TMEM106B: variants seen among roughly 807,000 people sequenced by gnomAD.
TMEM106B encodes the protein transmembrane protein 106B.
Under a neutral mutation model 31.1 loss-of-function variants are expected in TMEM106B, and 15 were observed. The observed-to-expected ratio is 0.48, with a 90% CI of 0.32 to 0.74. The LOEUF (loss-of-function observed/expected upper bound fraction) is 0.74, where lower values mean the gene tolerates loss of function less well. TMEM106B is among the 30% of genes least tolerant of loss of function. The pLI is 0.03. For missense variants in TMEM106B, 283 were observed against 327.3 expected (o/e 0.86, Z 1.04); for synonymous variants, 126 against 112.5 (o/e 1.12, Z -0.76).
At chr7:12,226,682 C>A (rs1409905842) in intron 4 of TMEM106B, among the ~76,000 whole-genome samples, 1 of 142,452 alleles carries the variant, frequency 7.0e-6, no homozygotes, top group Admixed American at 6.9e-5. Flanking sequence ...GGAATCACTA[C>A]TTAATTACAG....
In TMEM106B at chr7:12,214,995, C is replaced by A. The variant is rs1333541509; in HGVS notation, c.185C>A (p.Pro62His). 6.2e-7 allele frequency: 1 copy of A among 1,613,928 alleles called. No homozygotes were observed. Among genetic ancestry groups the A allele is most frequent in the South Asian group, 1.1e-5 (1 of 91,058 alleles). The change falls in exon 2 of 8, where the codon CCT becomes CAT. Residue 62 changes from proline to histidine, a missense_variant. Pro to His is a moderately conservative substitution (Grantham distance 77). Transcript: ENST00000396668. ...ACAGGAAGAGATAGTGTCACCTGCC[C>A]TACTTGTCAGGGAACAGGAAGAATT... The part of the protein sequence containing the change: ...EFTGRDSVTC[P>H]TCQGTGRIPR...
In TMEM106B at chr7:12,225,216, T is replaced by C. The variant is rs946032950; in HGVS notation, c.441+831T>C. Among the ~76,000 whole-genome samples the C allele has an allele frequency of 3.4e-4, 51 of 152,196 alleles. 1 individual carries two copies. Among genetic ancestry groups the C allele is most frequent in the Non-Finnish European group, 2.5e-4 (17 of 68,030 alleles). On this transcript the variant is annotated intron_variant, in intron 4 of 7. Coordinates refer to ENST00000396668, the MANE Select transcript of TMEM106B (RefSeq NM_001134232.2). Reference sequence around the variant, plus strand: ...ATGAACTCATCCTTTTTTATGGCTGTATAGTATTCCATGGTGTATATGTGC... The same window carrying C: ...ATGAACTCATCCTTTTTTATGGCTGCATAGTATTCCATGGTGTATATGTGC...
Position 12,236,768 on chromosome 7 carries a change from G to A in TMEM106B, c.*4793G>A, listed in dbSNP as rs1430691629. The stretch of plus-strand genomic sequence containing the variant: ...TGTCAGATGAAACAAATGCCAAGTT[G>A]CAAAATATGCAGATTTTTATTATAT... On this transcript the variant is annotated 3_prime_UTR_variant, in exon 8 of 8. Coordinates refer to ENST00000396668, the MANE Select transcript of TMEM106B (RefSeq NM_001134232.2). The A allele has an allele frequency of 6.6e-6, 1 of 151,882 alleles. No homozygotes were observed. The highest frequency in any genetic ancestry group is 1.5e-5 in the Non-Finnish European group (1 of 67,908). The allele number at this position is 151,882 out of a possible 1,614,324, so 9.4% of individuals were successfully genotyped here.
rs1252821877 is a variant in TMEM106B at position 12,229,718 on chromosome 7, G to A, written c.481G>A (p.Glu161Lys). ...AACAAACAATAACTATTACTCTGTCGAAGTTGAAAACATCACTGCCCAAGT... is the reference window on the plus strand; with the variant it reads ...AACAAACAATAACTATTACTCTGTCAAAGTTGAAAACATCACTGCCCAAGT... The part of the protein sequence containing the change: ...NITNNNYYSV[E>K]VENITAQVQF... Residue 161 changes from glutamate to lysine, a missense_variant, in exon 5 of 8, where the codon GAA becomes AAA. Around this residue, in one of 3 missense-constraint regions of TMEM106B, gnomAD observed 201 missense variants for 211.5 expected, o/e 0.95. Coordinates refer to ENST00000396668, the MANE Select transcript of TMEM106B (RefSeq NM_001134232.2). 1.2e-6 allele frequency: 2 copies of A among 1,612,136 alleles called. No individual in the cohort carries two copies. The highest frequency in any genetic ancestry group is 1.7e-6 in the Non-Finnish European group (2 of 1,179,450).
intron 7 of TMEM106B, chr7:12,231,365 A>G: frequency 2.6e-6 from 1 of 385,218 alleles, no homozygotes; most frequent in Non-Finnish European, 4.6e-6. Context: ...TGGAAAGGAT[A>G]CAGGGAACTG....
chr7:12,213,613 A>G (rs1781624456), intron 1 of TMEM106B, among the ~76,000 whole-genome samples: 1 of 152,010 alleles, frequency 6.6e-6, no homozygotes, highest in African/African-American at 2.4e-5. Context: ...ACTTTTGTCA[A>G]ATGTTAATGT....
In TMEM106B at chr7:12,229,818, A is replaced by G. The variant is rs1781979737; in HGVS notation, c.581A>G (p.Gln194Arg). ...ITIIGPLDMK[Q>R]IDYTVPTVIA... ...ATTATTGGTCCACTTGATATGAAACAAGTAAGAATCAATCATGAAATACTT... is the reference window on the plus strand; with the variant it reads ...ATTATTGGTCCACTTGATATGAAACGAGTAAGAATCAATCATGAAATACTT... The change falls in exon 5 of 8, where the codon CAA becomes CGA. Residue 194 changes from glutamine (Q) to arginine (R), a missense_variant and splice_region_variant. Physicochemically the swap from Gln to Arg is conservative, Grantham distance 43. Coordinates refer to ENST00000396668, the MANE Select transcript of TMEM106B (RefSeq NM_001134232.2). 1 of 1,599,770 alleles carries G rather than the reference A, an allele frequency of 6.3e-7. No individual in the cohort carries two copies. Among genetic ancestry groups the G allele is most frequent in the African/African-American group, 1.4e-5 (1 of 74,010 alleles).
chr7:12,230,092 C>T (rs1055961976), intron 5 of TMEM106B, among the ~76,000 whole-genome samples: 1 of 151,984 alleles, frequency 6.6e-6, no homozygotes, highest in Non-Finnish European at 1.5e-5. Context: ...GTAGTGTGCA[C>T]CTCTCTTCCC....
Position 12,237,783 on chromosome 7 carries a change from C to T in TMEM106B, c.*5808C>T, listed in dbSNP as rs1258143602. 2.7e-5 allele frequency: 4 copies of T among 149,764 alleles called. No individual in the cohort carries two copies. Among genetic ancestry groups the T allele is most frequent in the Non-Finnish European group, 5.9e-5 (4 of 67,962 alleles). The allele number at this position is 149,764 out of a possible 1,614,324, so 9.3% of individuals were successfully genotyped here. On this transcript the variant is annotated 3_prime_UTR_variant, in exon 8 of 8. Coordinates refer to ENST00000396668, the MANE Select transcript of TMEM106B (RefSeq NM_001134232.2). Reference sequence around the variant, plus strand: ...CCCAGAAGTTCAAGACCAAATTGGTCAACATGGCGAGACCCCATATAAAAT... The same window carrying T: ...CCCAGAAGTTCAAGACCAAATTGGTTAACATGGCGAGACCCCATATAAAAT...
At chr7:12,225,264 T>C (rs1042804036) in intron 4 of TMEM106B, among the ~76,000 whole-genome samples, 4 of 152,220 alleles carry the variant, frequency 2.6e-5, no homozygotes, top group African/African-American at 9.6e-5. Flanking sequence ...ATCCAGTCTA[T>C]AATTGATGGA....
chr7:12,213,764 A>C (rs1203538097), intron 1 of TMEM106B, among the ~76,000 whole-genome samples: 1 of 152,236 alleles, frequency 6.6e-6, no homozygotes, highest in African/African-American at 2.4e-5. Context: ...CAAAAGGTAT[A>C]ATCCAAAAGG....
At position 12,235,061 on chromosome 7, in the gene TMEM106B, A is replaced by C. The variant is rs1049419511; in HGVS notation, c.*3086A>C. ...TGATTAAAAATGAGAGGAAAGTTCAAATAGTTAGTAGTGACAAACTAATAC... is the reference window on the plus strand; with the variant it reads ...TGATTAAAAATGAGAGGAAAGTTCACATAGTTAGTAGTGACAAACTAATAC... On this transcript the variant is annotated 3_prime_UTR_variant, in exon 8 of 8. Coordinates refer to ENST00000396668, the MANE Select transcript of TMEM106B (RefSeq NM_001134232.2). 1 of 152,296 alleles carries C rather than the reference A, an allele frequency of 6.6e-6. No homozygotes were observed. The highest frequency in any genetic ancestry group is 2.1e-4 in the South Asian group (1 of 4,832). 9.4% of individuals were successfully genotyped at this position (152,296 alleles called of 1,614,324 possible).
chr7:12,222,537 G>T (rs554668202), intron 3 of TMEM106B, among the ~76,000 whole-genome samples: 36 of 152,282 alleles, frequency 2.4e-4, no homozygotes, highest in African/African-American at 7.7e-4. Flanking sequence ...AAACGCTGAA[G>T]TGTAGAAAAT....
Position 12,237,997 on chromosome 7 carries a change from A to G in TMEM106B, c.*6022A>G, listed in dbSNP as rs1306557452. ...GTTGGGGTGGCTATGGCAATTTCTTAAGACAACAATGAAGTTTATCACATC... is the reference window on the plus strand; with the variant it reads ...GTTGGGGTGGCTATGGCAATTTCTTGAGACAACAATGAAGTTTATCACATC... On this transcript the variant is annotated 3_prime_UTR_variant, in exon 8 of 8. Coordinates refer to ENST00000396668, the MANE Select transcript of TMEM106B (RefSeq NM_001134232.2). 6.6e-6 allele frequency: 1 copy of G among 152,222 alleles called. No homozygotes were observed. Among genetic ancestry groups the G allele is most frequent in the Non-Finnish European group, 1.5e-5 (1 of 68,096 alleles). The allele number at this position is 152,222 out of a possible 1,614,324, so 9.4% of individuals were successfully genotyped here. A position where few individuals can be genotyped will look rare whatever the true frequency, so the allele number is the denominator to read the frequency against.
Position 12,237,242 on chromosome 7 carries a change from A to T in TMEM106B, c.*5267A>T, listed in dbSNP as rs1782156511. ...TTGTAAAAAAATTTCAGCATGAAAA[A>T]TAAAATTTGTATCACTTATGTATTT... On this transcript the variant is annotated 3_prime_UTR_variant, in exon 8 of 8. Coordinates refer to ENST00000396668, the MANE Select transcript of TMEM106B (RefSeq NM_001134232.2). 6.6e-6 allele frequency: 1 copy of T among 152,166 alleles called. No individual in the cohort carries two copies. The highest frequency in any genetic ancestry group is 2.1e-4 in the South Asian group (1 of 4,834). The allele number at this position is 152,166 out of a possible 1,614,324, so 9.4% of individuals were successfully genotyped here.
chr7:12,231,238 A>T (rs1782015466), intron 7 of TMEM106B, 123 bp downstream of exon 7: 1 of 666,756 alleles, frequency 1.5e-6, no homozygotes, highest in African/African-American at 1.9e-5. Context: ...GCCTTACAAG[A>T]GTGCTATGAG....
chr7:12,231,388 A>T (rs775415332), intron 7 of TMEM106B: 10 of 338,348 alleles, frequency 3.0e-5, no homozygotes, highest in Admixed American at 4.8e-5. Flanking sequence ...CCCCACATCC[A>T]ATTCCTTACT....
Position 12,238,593 on chromosome 7 carries a change from T to C in TMEM106B, c.*6618T>C, listed in dbSNP as rs1376289488. ...ATGACAGCTATGGTCTTACAAAATGTATTTCTTATATAGTAAGATTCAAAA... is the reference window on the plus strand; with the variant it reads ...ATGACAGCTATGGTCTTACAAAATGCATTTCTTATATAGTAAGATTCAAAA... On this transcript the variant is annotated 3_prime_UTR_variant, in exon 8 of 8. Transcript: ENST00000396668. 6.6e-6 allele frequency: 1 copy of C among 152,210 alleles called. No homozygotes were observed. The highest frequency in any genetic ancestry group is 2.4e-5 in the African/African-American group (1 of 41,454). The allele number at this position is 152,210 out of a possible 1,614,324, so 9.4% of individuals were successfully genotyped here. A position where few individuals can be genotyped will look rare whatever the true frequency, so the allele number is the denominator to read the frequency against.
rs747794002 is a variant in TMEM106B at position 12,233,459 on chromosome 7, A to C, written c.*1484A>C. On this transcript the variant is annotated 3_prime_UTR_variant, in exon 8 of 8. Coordinates refer to ENST00000396668, the MANE Select transcript of TMEM106B (RefSeq NM_001134232.2). ...TCTGACTCTCTCAACCATAAAACAT[A>C]AGCTTTATTTAATTCTGCCTTTAAA... 1.3e-5 allele frequency: 2 copies of C among 151,600 alleles called. No homozygotes were observed. The highest frequency in any genetic ancestry group is 3.0e-5 in the Non-Finnish European group (2 of 67,664). The allele number at this position is 151,600 out of a possible 1,614,324, so 9.4% of individuals were successfully genotyped here. A position where few individuals can be genotyped will look rare whatever the true frequency, so the allele number is the denominator to read the frequency against.
Sources: gnomAD v4.1 joint callset for allele counts (sites outside exome capture counted in the v4.1 genomes callset) on GRCh38, gnomAD v4.1.1 for gene constraint, gnomAD v4.1.1 regional missense constraint, MANE v1.5 for transcripts, NCBI Gene and HGNC (gene_info 2026-07-23, HGNC 2026-07-21) for gene names.